SLC44A1: variants seen among roughly 807,000 people sequenced by gnomAD.
SLC44A1 encodes the protein choline transporter-like protein 1.
Under a neutral mutation model 79.3 loss-of-function variants are expected in SLC44A1, and 26 were observed. The ratio of observed to expected loss-of-function variants is 0.33; its 90% CI spans 0.24 to 0.46. SLC44A1 has a LOEUF of 0.46. Ranked by LOEUF, SLC44A1 falls within the 20% of genes least tolerant of loss-of-function variation. The pLI, the probability that SLC44A1 is intolerant of heterozygous loss-of-function variation, is 1.00. For missense variants in SLC44A1, 688 were observed against 798.1 expected (o/e 0.86, Z 1.66); for synonymous variants, 263 against 286.2 (o/e 0.92, Z 0.82).
At position 105,352,708 on chromosome 9, in the gene SLC44A1, A is replaced by G. The variant is rs144676738; in HGVS notation, c.501-3504A>G. Among the ~76,000 whole-genome samples, 62 of 152,326 alleles carry G rather than the reference A, an allele frequency of 4.1e-4. 1 individual carries two copies. In the Middle Eastern group the frequency reaches 0.014, roughly 33 times the overall value. On this transcript the variant is annotated intron_variant, in intron 5 of 15. Coordinates refer to ENST00000374720, the MANE Select transcript of SLC44A1 (RefSeq NM_080546.5). ...ATACTAAAGTAGAAATGATCTCGTA[A>G]TACTAGCTCCTCAAAAGTATTATTT...
At chr9:105,344,876 A>G (rs1402391925) in intron 4 of SLC44A1, among the ~76,000 whole-genome samples, 1 of 152,188 alleles carries the variant, frequency 6.6e-6, no homozygotes, top group Non-Finnish European at 1.5e-5. Flanking sequence ...GGCTTGACAG[A>G]AGAGATGAAG....
chr9:105,309,375 A>C (rs1339182897), intron 2 of SLC44A1, among the ~76,000 whole-genome samples: 1 of 152,190 alleles, frequency 6.6e-6, no homozygotes, highest in African/African-American at 2.4e-5. Context: ...TGAGGATTAG[A>C]GATAACGTAC....
At chr9:105,351,411 G>T (rs552284282) in intron 5 of SLC44A1, among the ~76,000 whole-genome samples, 1 of 151,952 alleles carries the variant, frequency 6.6e-6, no homozygotes, top group Non-Finnish European at 1.5e-5. Flanking sequence ...GTGCATGCCT[G>T]TAATCCCAGC....
intron 1 of SLC44A1, among the ~76,000 whole-genome samples, chr9:105,279,207 AG>A (rs1283752392): frequency 1.3e-5 from 2 of 151,722 alleles, no homozygotes; most frequent in South Asian, 2.1e-4. Flanking sequence ...AAAAAAAAAA[AG>A]GTATTCAGTA....
At chr9:105,397,832 C>G (rs1036860124), downstream of SLC44A1, among the ~76,000 whole-genome samples, 2 of 152,076 alleles carry the variant, frequency 1.3e-5, no homozygotes, top group African/African-American at 4.8e-5. Flanking sequence ...CCTGTAGTCC[C>G]AGCTACTCGG....
chr9:105,427,963 C>T (rs1424676001), intron 15 of SLC44A1, among the ~76,000 whole-genome samples: 2 of 151,990 alleles, frequency 1.3e-5, no homozygotes, highest in Non-Finnish European at 2.9e-5. Context: ...GTATTCATGT[C>T]CTTTGCCATT....
At chr9:105,268,370 A>G (rs1363286346) in intron 1 of SLC44A1, among the ~76,000 whole-genome samples, 3 of 152,066 alleles carry the variant, frequency 2.0e-5, no homozygotes, top group African/African-American at 7.2e-5. Context: ...CGTAGTTCCA[A>G]ATGTTTTAAA....
chr9:105,393,496 T>A lies in SLC44A1; in HGVS notation c.*4440T>A, dbSNP rs1456810008. Reference sequence around the variant, plus strand: ...TTGAGCCAAATTCTTATACTCCATGTTTTAATTTTAAAAGGATAATTTTAA... The same window carrying A: ...TTGAGCCAAATTCTTATACTCCATGATTTAATTTTAAAAGGATAATTTTAA... On this transcript the variant is annotated 3_prime_UTR_variant, in exon 16 of 16. Coordinates refer to ENST00000374720, the MANE Select transcript of SLC44A1 (RefSeq NM_080546.5). The A allele has an allele frequency of 6.4e-6, 6 of 942,978 alleles. No individual in the cohort carries two copies. Among genetic ancestry groups the A allele is most frequent in the African/African-American group, 1.8e-5 (1 of 56,402 alleles). 58.4% of individuals were successfully genotyped at this position (942,978 alleles called of 1,614,324 possible). A position where few individuals can be genotyped will look rare whatever the true frequency, so the allele number is the denominator to read the frequency against.
intron 15 of SLC44A1, among the ~76,000 whole-genome samples, chr9:105,427,906 T>A (rs1029323770): frequency 6.6e-6 from 1 of 152,192 alleles, no homozygotes; most frequent in African/African-American, 2.4e-5. Flanking sequence ...TAATTTGTAT[T>A]TTTTAGTAAT....
intron 1 of SLC44A1, among the ~76,000 whole-genome samples, chr9:105,264,136 C>T (rs1829905639): frequency 6.6e-6 from 1 of 152,072 alleles, no homozygotes; most frequent in African/African-American, 2.4e-5. Context: ...GATATATCAT[C>T]ATAACTTTGT....
chr9:105,333,757 C>G (rs967837902), intron 3 of SLC44A1, among the ~76,000 whole-genome samples: 7 of 151,782 alleles, frequency 4.6e-5, no homozygotes, highest in Non-Finnish European at 1.0e-4. Context: ...TTGCAGTCAG[C>G]TGAGACCATG....
chr9:105,341,029 A>G (rs1020300301), intron 4 of SLC44A1, among the ~76,000 whole-genome samples: 2 of 152,198 alleles, frequency 1.3e-5, no homozygotes, highest in Non-Finnish European at 2.9e-5. Context: ...AAAGGCAGAC[A>G]GACAAATATA....
At chr9:105,329,157 G>T (rs935690844) in intron 3 of SLC44A1, among the ~76,000 whole-genome samples, 19 of 152,146 alleles carry the variant, frequency 1.2e-4, no homozygotes, top group African/African-American at 3.4e-4. Flanking sequence ...TTTCAGTTTG[G>T]TATGATTCAC....
chr9:105,355,485 GTTAA>G (rs1274063897), intron 5 of SLC44A1, among the ~76,000 whole-genome samples: 2 of 152,154 alleles, frequency 1.3e-5, no homozygotes, highest in Non-Finnish European at 2.9e-5. Flanking sequence ...TTTTTCACTT[GTTAA>G]TTATTTTCTG....
At chr9:105,426,025 G>A (rs922766218) in intron 15 of SLC44A1, among the ~76,000 whole-genome samples, 1 of 152,150 alleles carries the variant, frequency 6.6e-6, no homozygotes, top group African/African-American at 2.4e-5. Flanking sequence ...AGCTTACTCT[G>A]CCTGTTCTGT....
At chr9:105,355,896 G>C in intron 5 of SLC44A1, 1 of 263,632 alleles carries the variant, frequency 3.8e-6, no homozygotes, top group Non-Finnish European at 7.1e-6. Flanking sequence ...GGAGTTTTAA[G>C]TGTTTGGTTT....
chr9:105,404,086 A>C (rs576183420), intron 15 of SLC44A1, among the ~76,000 whole-genome samples: 1 of 151,980 alleles, frequency 6.6e-6, no homozygotes. Context: ...ATACCATGTG[A>C]TTCAGAATGA....
At chr9:105,244,961 C>CGGGGG in intron 1 of SLC44A1, 57 bp downstream of exon 1, 1 of 956,510 alleles carries the variant, frequency 1.0e-6, no homozygotes, top group Admixed American at 4.7e-5. Context: ...CGCCGCGTCG[C>CGGGGG]GCGGCGGGCG....
Position 105,299,243 on chromosome 9 carries a change from G to C in SLC44A1, c.60G>C (p.Pro20=). ...AGAGCTCCAAACGAGAATGGAAGCC[G>C]CTGGAGGACCGTAGCTGCACAGACA... ...AAQSSKREWK[P]LEDRSCTDIP... Residue 20 remains proline, a synonymous_variant, in exon 2 of 16, where the codon CCG becomes CCC. Coordinates refer to ENST00000374720, the MANE Select transcript of SLC44A1 (RefSeq NM_080546.5). 1 of 1,590,326 alleles carries C rather than the reference G, an allele frequency of 6.3e-7. No individual in the cohort carries two copies. The highest frequency in any genetic ancestry group is 8.5e-7 in the Non-Finnish European group (1 of 1,171,854).
Sources: gnomAD v4.1 joint callset for allele counts (sites outside exome capture counted in the v4.1 genomes callset) on GRCh38, gnomAD v4.1.1 for gene constraint, MANE v1.5 for transcripts, NCBI Gene and HGNC (gene_info 2026-07-23, HGNC 2026-07-21) for gene names.